Variants in PCDHA4 observed in about 807,000 individuals in gnomAD.
The protein encoded by PCDHA4 is protocadherin alpha-4.
PCDHA4 carries 49 observed loss-of-function variants against 61.4 expected under a neutral mutation model. The observed-to-expected ratio is 0.80, with a 90% CI of 0.63 to 1.01. The LOEUF (loss-of-function observed/expected upper bound fraction) is 1.01, where lower values mean the gene tolerates loss of function less well. PCDHA4 is among the 50% of genes least tolerant of loss of function. PCDHA4 has a pLI of 0.00. For synonymous variants in PCDHA4, 590 were observed against 550.3 expected, an observed-to-expected ratio of 1.07 and a Z score of -1.01; for missense variants, 1,254 against 1,235.8, an observed-to-expected ratio of 1.01 and a Z score of -0.22.
chr5:140,992,017 C>CTGTG (rs10602499), intron 3 of PCDHA4, among the ~76,000 whole-genome samples: 5,022 of 145,578 alleles, frequency 0.034, 175 homozygotes, highest in African/African-American at 0.093. Context: ...AGAGGTGGCT[C>CTGTG]TGTGTGTGTG....
At chr5:140,966,732 G>A in intron 1 of PCDHA4, 1 of 1,415,600 alleles carries the variant, frequency 7.1e-7, no homozygotes, top group South Asian at 1.6e-5. Flanking sequence ...GCCGCCTCCG[G>A]CCCTGCCCGG....
chr5:140,849,199 A>T (rs1581177103), intron 1 of PCDHA4: 1 of 1,039,344 alleles, frequency 9.6e-7, no homozygotes, highest in African/African-American at 2.0e-5. Flanking sequence ...GTACTGGACA[A>T]CAATGACAAT....
At chr5:140,838,077 AGTGTGTGTGTG>A (rs1775481751) in intron 1 of PCDHA4, among the ~76,000 whole-genome samples, 1 of 80,664 alleles carries the variant, frequency 1.2e-5, no homozygotes, top group East Asian at 3.3e-4. Context: ...ATATATATAT[AGTGTGTGTGTG>A]TGTGTGTGTG....
intron 1 of PCDHA4, chr5:140,827,970 C>A (rs1398838770): frequency 2.2e-6 from 3 of 1,380,228 alleles, no homozygotes; most frequent in Non-Finnish European, 3.0e-6. Flanking sequence ...ATTACTGCAT[C>A]ATTCCCTGAC....
intron 1 of PCDHA4, among the ~76,000 whole-genome samples, chr5:140,916,601 G>A (rs2077638535): frequency 6.6e-6 from 1 of 152,188 alleles, no homozygotes. Flanking sequence ...GGCCTGGAAT[G>A]CGGGCCTCAT....
chr5:140,969,636 T>C (rs2096349824), intron 1 of PCDHA4: 1 of 212,100 alleles, frequency 4.7e-6, no homozygotes, highest in Non-Finnish European at 8.1e-6. Context: ...GGACAGGCCT[T>C]GGAATAGGGA....
chr5:140,881,695 T>G (rs576802700), intron 1 of PCDHA4, among the ~76,000 whole-genome samples: 1 of 152,318 alleles, frequency 6.6e-6, no homozygotes, highest in East Asian at 1.9e-4. Flanking sequence ...CCTTTTGGAG[T>G]CAATGGCTGT....
chr5:140,837,977 C>G (rs1377931639), intron 1 of PCDHA4, among the ~76,000 whole-genome samples: 1 of 151,682 alleles, frequency 6.6e-6, no homozygotes, highest in Non-Finnish European at 1.5e-5. Flanking sequence ...CCACACCCAG[C>G]CTGCCTTTCA....
At chr5:140,925,217 G>T (rs1217593393) in intron 1 of PCDHA4, among the ~76,000 whole-genome samples, 1 of 152,154 alleles carries the variant, frequency 6.6e-6, no homozygotes, top group Non-Finnish European at 1.5e-5. Flanking sequence ...ATACTTTTAG[G>T]CAGGTTTCTA....
intron 1 of PCDHA4, among the ~76,000 whole-genome samples, chr5:140,906,070 C>T (rs1257687877): frequency 1.3e-5 from 2 of 152,162 alleles, no homozygotes; most frequent in South Asian, 2.1e-4. Flanking sequence ...CTGATTAGAT[C>T]GCACCCACCC....
intron 3 of PCDHA4, among the ~76,000 whole-genome samples, chr5:140,989,918 G>A (rs1554251173): frequency 6.6e-6 from 1 of 151,960 alleles, no homozygotes; most frequent in East Asian, 1.9e-4. Flanking sequence ...AAGAGGGAGA[G>A]CAGAGATAGA....
intron 1 of PCDHA4, among the ~76,000 whole-genome samples, chr5:140,937,175 C>A: frequency 6.6e-6 from 1 of 151,650 alleles, no homozygotes; most frequent in Non-Finnish European, 1.5e-5. Context: ...GTAGCTGGGA[C>A]TACAGGCGCC....
At chr5:140,882,414 C>T in intron 1 of PCDHA4, 2 of 1,614,148 alleles carry the variant, frequency 1.2e-6, no homozygotes, top group Non-Finnish European at 8.5e-7. Flanking sequence ...GGCCGCATCG[C>T]TCAGGACCTG....
intron 1 of PCDHA4, among the ~76,000 whole-genome samples, chr5:140,926,036 C>A (rs2082873940): frequency 6.6e-6 from 1 of 152,168 alleles, no homozygotes; most frequent in South Asian, 2.1e-4. Context: ...TTGATGCGGA[C>A]ACTATTCCCC....
intron 1 of PCDHA4, among the ~76,000 whole-genome samples, chr5:140,915,667 G>A (rs2077246554): frequency 1.3e-5 from 2 of 149,888 alleles, no homozygotes; most frequent in Admixed American, 1.3e-4. Flanking sequence ...AAGGTGCTGG[G>A]CCATCTTGAA....
chr5:140,983,022 A>G (rs2097023004), intron 3 of PCDHA4, among the ~76,000 whole-genome samples: 1 of 152,114 alleles, frequency 6.6e-6, no homozygotes, highest in Non-Finnish European at 1.5e-5. Flanking sequence ...GGAAGGAAGG[A>G]AGATGGTTTC....
At position 140,849,549 on chromosome 5, in the gene PCDHA4, A is replaced by G. The variant is rs2150440230; in HGVS notation, c.2385+39977A>G. ...AAATGACAATGCTCCACAGTTGACT[A>G]TCAAAACGCTCTCGGTTCCTGTAAA... On this transcript the variant is annotated intron_variant, in intron 1 of 3. Transcript: ENST00000530339. 5 of 1,598,378 alleles carry G rather than the reference A, an allele frequency of 3.1e-6. 1 individual carries two copies. The South Asian group carries it at 3.3e-5, about 11-fold the overall frequency.
At chr5:140,851,697 TC>T in intron 1 of PCDHA4, 1 of 942,168 alleles carries the variant, frequency 1.1e-6, no homozygotes, top group Non-Finnish European at 1.3e-6. Flanking sequence ...GATAAAATGA[TC>T]AGCCATGTGA....
At chr5:140,954,476 G>C (rs1467215585) in intron 1 of PCDHA4, among the ~76,000 whole-genome samples, 1 of 152,192 alleles carries the variant, frequency 6.6e-6, no homozygotes, top group Non-Finnish European at 1.5e-5. Context: ...ACTGGTGTGA[G>C]AAGATATTTC....
Sources: allele counts gnomAD v4.1 joint callset (sites outside exome capture counted in the v4.1 genomes callset), GRCh38; gene constraint gnomAD v4.1.1; transcripts MANE v1.5; gene names NCBI Gene and HGNC (gene_info 2026-07-23, HGNC 2026-07-21).